Variants in HDAC9 observed in about 807,000 individuals in gnomAD.
HDAC9 encodes the protein MEF-2 interacting transcription repressor (MITR) protein.
Under a neutral mutation model 139.4 loss-of-function variants are expected in HDAC9, and 41 were observed. The observed-to-expected ratio is 0.29, with a 90% CI of 0.23 to 0.38. The LOEUF is 0.38. HDAC9 is among the 10% of genes least tolerant of loss of function. HDAC9 has a pLI of 1.00. For synonymous variants in HDAC9, 517 were observed against 476.2 expected, an observed-to-expected ratio of 1.09 and a Z score of -1.12; for missense variants, 1,147 against 1,297.0, an observed-to-expected ratio of 0.88 and a Z score of 1.78.
intron 1 of HDAC9, among the ~76,000 whole-genome samples, chr7:18,331,452 C>T (rs1438453630): frequency 6.6e-6 from 1 of 151,536 alleles, no homozygotes; most frequent in Non-Finnish European, 1.5e-5. Context: ...AAAAATGTAG[C>T]TGAGGAATAT....
At chr7:18,517,419 G>A (rs1230277235) in intron 2 of HDAC9, among the ~76,000 whole-genome samples, 1 of 152,062 alleles carries the variant, frequency 6.6e-6, no homozygotes, top group African/African-American at 2.4e-5. Flanking sequence ...ACCATGTTTG[G>A]GAATGAACGA....
intron 6 of HDAC9, among the ~76,000 whole-genome samples, chr7:18,624,945 CT>C (rs1841253007): frequency 6.6e-6 from 1 of 151,908 alleles, no homozygotes; most frequent in African/African-American, 2.4e-5. Context: ...AAGTAGGGGC[CT>C]TTCTTTAGAG....
intron 16 of HDAC9, among the ~76,000 whole-genome samples, chr7:18,790,792 G>C (rs967557648): frequency 6.6e-6 from 1 of 152,032 alleles, no homozygotes; most frequent in African/African-American, 2.4e-5. Context: ...TTCCTAAAGA[G>C]AACTTCTTTA....
At chr7:18,621,943 T>G (rs1165947097) in intron 6 of HDAC9, among the ~76,000 whole-genome samples, 3 of 152,212 alleles carry the variant, frequency 2.0e-5, no homozygotes, top group Admixed American at 6.5e-5. Context: ...GTTTCTAGAT[T>G]TCTACAATGC....
chr7:18,929,727 A>G (rs1459807078), intron 22 of HDAC9, among the ~76,000 whole-genome samples: 1 of 152,116 alleles, frequency 6.6e-6, no homozygotes, highest in Non-Finnish European at 1.5e-5. Flanking sequence ...CACGAGGTCA[A>G]GAGATCGAGA....
chr7:18,385,867 G>A lies in HDAC9; in HGVS notation c.-42+95352G>A, dbSNP rs1052039608. On this transcript the variant is annotated intron_variant, in intron 1 of 3. Transcript: ENST00000413509. ...GACCTGCTCAGTATGTTATAGAGTG[G>A]ACGATATTTAATTTCACTGAGCTCC... Among the ~76,000 whole-genome samples the A allele has an allele frequency of 1.2e-4, 18 of 151,878 alleles. 2 individuals carry two copies. In the East Asian group the frequency reaches 1.7e-3, roughly 15 times the overall value.
intron 1 of HDAC9, among the ~76,000 whole-genome samples, chr7:18,456,610 G>A (rs1194099317): frequency 6.6e-6 from 1 of 152,092 alleles, no homozygotes; most frequent in Non-Finnish European, 1.5e-5. Context: ...ACAGTTGATG[G>A]AAGATATTAG....
chr7:18,984,723 TGA>T (rs2129344178), intron 25 of HDAC9, among the ~76,000 whole-genome samples: 1 of 152,194 alleles, frequency 6.6e-6, no homozygotes, highest in South Asian at 2.1e-4. Flanking sequence ...TGCCATTAGC[TGA>T]GAGAGAAAAA....
chr7:18,136,590 G>A (rs1785435646), intron 1 of HDAC9, among the ~76,000 whole-genome samples: 1 of 152,096 alleles, frequency 6.6e-6, no homozygotes, highest in Non-Finnish European at 1.5e-5. Flanking sequence ...TTTTTCTCAG[G>A]TTTGTCAAAG....
chr7:18,088,720 C>T (rs1781954398), intron 1 of HDAC9, among the ~76,000 whole-genome samples: 1 of 152,190 alleles, frequency 6.6e-6, no homozygotes, highest in South Asian at 2.1e-4. Flanking sequence ...CCTTTTACCA[C>T]AGATAATTAG....
chr7:18,648,782 C>G, intron 11 of HDAC9, 99 bp downstream of exon 11: 1 of 999,850 alleles, frequency 1.0e-6, no homozygotes, highest in East Asian at 2.6e-5. Flanking sequence ...TGATGGGAGT[C>G]ACAGCAAAAA....
At chr7:18,701,159 A>C (rs1210863569) in intron 12 of HDAC9, among the ~76,000 whole-genome samples, 5 of 152,168 alleles carry the variant, frequency 3.3e-5, no homozygotes, top group Admixed American at 6.5e-5. Flanking sequence ...TCATAAAAAA[A>C]AAAAACCTTG....
At chr7:18,286,665 AT>A (rs1368639640), upstream of HDAC9, among the ~76,000 whole-genome samples, 2 of 152,076 alleles carry the variant, frequency 1.3e-5, no homozygotes, top group South Asian at 2.1e-4. Context: ...TTAATAAAGT[AT>A]TTTTTAAGCC....
Position 18,977,880 on chromosome 7 carries a change from A to G in HDAC9, c.3170+1927A>G, listed in dbSNP as rs564695082. ...TTCTAGAACTGGCTCTTGCATTTCA[A>G]TTGAACCATGCATGAATTTCCTCAG... is the stretch of plus-strand genomic sequence containing the variant. On this transcript the variant is annotated intron_variant, in intron 25 of 25. Transcript: ENST00000686413. Among the ~76,000 whole-genome samples the G allele has an allele frequency of 4.0e-5, 6 of 151,550 alleles. No homozygotes were observed. In the East Asian group the frequency reaches 9.8e-4, roughly 25 times the overall value.
chr7:18,136,253 T>G (rs1785409029), intron 1 of HDAC9, among the ~76,000 whole-genome samples: 1 of 151,004 alleles, frequency 6.6e-6, no homozygotes, highest in Admixed American at 6.6e-5. Flanking sequence ...TTTTGTAGGT[T>G]GCCTGTTCAC....
intron 2 of HDAC9, among the ~76,000 whole-genome samples, chr7:18,188,988 A>G (rs1180675181): frequency 6.6e-6 from 1 of 152,246 alleles, no homozygotes. Context: ...CAATCCCATT[A>G]CTGGGTATAT....
At chr7:18,090,320 T>C (rs1000076723) in intron 1 of HDAC9, among the ~76,000 whole-genome samples, 7 of 152,208 alleles carry the variant, frequency 4.6e-5, no homozygotes, top group Non-Finnish European at 1.0e-4. Flanking sequence ...GTCATCTTTA[T>C]ACATGTGCAG....
chr7:18,539,003 A>G (rs1811830374), intron 2 of HDAC9, among the ~76,000 whole-genome samples: 1 of 152,146 alleles, frequency 6.6e-6, no homozygotes, highest in South Asian at 2.1e-4. Flanking sequence ...TCTTCTTGTA[A>G]AGCCACAAGT....
At chr7:18,550,416 T>C (rs979485108) in intron 2 of HDAC9, among the ~76,000 whole-genome samples, 3 of 152,222 alleles carry the variant, frequency 2.0e-5, no homozygotes, top group African/African-American at 4.8e-5. Flanking sequence ...CAGGTGTTAG[T>C]CTATGTGGCT....
Sources: gnomAD v4.1 joint callset for allele counts (sites outside exome capture counted in the v4.1 genomes callset) on GRCh38, gnomAD v4.1.1 for gene constraint, MANE v1.5 for transcripts, NCBI Gene and HGNC (gene_info 2026-07-23, HGNC 2026-07-21) for gene names.